THOC1: variants seen among roughly 807,000 people sequenced by gnomAD.
THOC1 encodes THO complex subunit 1, also known as THO complex 1.
Under a neutral mutation model 97.3 loss-of-function variants are expected in THOC1, and 29 were observed. The observed-to-expected ratio is 0.30, with a 90% CI of 0.22 to 0.41. THOC1 has a LOEUF of 0.41. THOC1 is among the 10% of genes least tolerant of loss of function. THOC1 has a pLI of 1.00. For missense variants in THOC1, 529 were observed against 761.9 expected, an observed-to-expected ratio of 0.69 and a Z score of 3.60; for synonymous variants, 255 against 257.0, an observed-to-expected ratio of 0.99 and a Z score of 0.07.
intron 11 of THOC1, among the ~76,000 whole-genome samples, chr18:237,584 T>C (rs1221464244): frequency 1.3e-5 from 2 of 151,906 alleles, no homozygotes; most frequent in Non-Finnish European, 2.9e-5. Context: ...GTTTTGAATA[T>C]ACCCATTTTC....
chr18:223,621 T>A, intron 16 of THOC1, 116 bp from the exon 17 acceptor site: 1 of 761,306 alleles, frequency 1.3e-6, no homozygotes, highest in Non-Finnish European at 2.1e-6. Flanking sequence ...GTTGACAGTA[T>A]GAGTTTTACT....
rs1461961174 is a variant in THOC1, at chr18:265,450, G to A, written c.128+7C>T. ...GCAAGTATTTTTCATAGATATCAAT[G>A]CCTTACCTGCCAGGTACCTGGCTGA... On this transcript the variant is annotated splice_region_variant and intron_variant, in intron 2 of 20. Coordinates refer to ENST00000261600, the MANE Select transcript of THOC1 (RefSeq NM_005131.3). The A allele has an allele frequency of 1.9e-6, 3 of 1,593,234 alleles. No homozygotes were observed. In the African/African-American group the frequency reaches 4.0e-5, roughly 21 times the overall value.
At chr18:228,549 A>G (rs970984587) in intron 11 of THOC1, among the ~76,000 whole-genome samples, 1 of 152,154 alleles carries the variant, frequency 6.6e-6, no homozygotes, top group Non-Finnish European at 1.5e-5. Context: ...AAAATCACCA[A>G]AAACAACCAA....
At chr18:222,696 T>C (rs982134698) in intron 17 of THOC1, among the ~76,000 whole-genome samples, 1 of 151,680 alleles carries the variant, frequency 6.6e-6, no homozygotes, top group African/African-American at 2.4e-5. Context: ...GTGAAAGACA[T>C]TTTCAAGCAC....
At chr18:221,606 CTTTTTT>C (rs369952039) in intron 17 of THOC1, among the ~76,000 whole-genome samples, 1 of 110,950 alleles carries the variant, frequency 9.0e-6, no homozygotes, top group Non-Finnish European at 1.8e-5. Flanking sequence ...ATAGATGGAT[CTTTTTT>C]TTTTTTTTTT....
chr18:215,266 A>G (rs1471945710), intron 20 of THOC1, among the ~76,000 whole-genome samples, 163 bp downstream of exon 20: 1 of 152,208 alleles, frequency 6.6e-6, no homozygotes, highest in Non-Finnish European at 1.5e-5. Context: ...TAGTGTTTTT[A>G]AAGTTATTAT....
At chr18:246,976 T>C (rs1380261152) in intron 10 of THOC1, among the ~76,000 whole-genome samples, 1 of 131,456 alleles carries the variant, frequency 7.6e-6, no homozygotes, top group Non-Finnish European at 1.6e-5. Context: ...AAGGGACAAA[T>C]AGATTAGGGA....
At chr18:221,656 T>G (rs931391651) in intron 17 of THOC1, among the ~76,000 whole-genome samples, 4 of 144,646 alleles carry the variant, frequency 2.8e-5, no homozygotes, top group African/African-American at 1.0e-4. Context: ...TCGCCCAGGC[T>G]GGAGTGCAGT....
intron 9 of THOC1, among the ~76,000 whole-genome samples, chr18:249,955 A>T (rs769836230): frequency 6.6e-5 from 10 of 152,180 alleles, no homozygotes; most frequent in Non-Finnish European, 1.5e-4. Context: ...AGAGAATGAG[A>T]CTCATGCAAC....
At chr18:264,147 G>A (rs1247646063) in intron 3 of THOC1, 55 bp from the exon 4 acceptor site, 24 of 1,193,228 alleles carry the variant, frequency 2.0e-5, no homozygotes, top group East Asian at 1.4e-4. Flanking sequence ...GACTAAACTC[G>A]ATTAACAGTA....
In THOC1 at chr18:216,640, A is replaced by G. The variant is rs768564989; in HGVS notation, c.1455-7T>C. 2 of 1,609,308 alleles carry G rather than the reference A, an allele frequency of 1.2e-6. No homozygotes were observed. Among genetic ancestry groups the G allele is most frequent in the Non-Finnish European group, 8.5e-7 (1 of 1,177,848 alleles). ...ATTTGAATTGTTCACAGCCCTATAA[A>G]AAGAGGTGTCAGGCTTGTAATTTAT... On this transcript the variant is annotated splice_polypyrimidine_tract_variant and splice_region_variant and intron_variant, in intron 18 of 20. Transcript: ENST00000261600.
At position 254,817 on chromosome 18, in the gene THOC1, A is replaced by ATT. The variant is rs778235053; in HGVS notation, c.521-464_521-463dup. On this transcript the variant is annotated intron_variant, in intron 7 of 20. Transcript: ENST00000261600. The surrounding 1 kb of genome is among the most constrained non-coding windows in gnomAD (Gnocchi z 4.1). ...CATCTAAGATCTAAGACAGTAAACT[A>ATT]TTTTTTTTTTTTTTTGAGACAGCGA... Among the ~76,000 whole-genome samples the ATT allele has an allele frequency of 9.3e-5, 13 of 140,262 alleles. No homozygotes were observed. Among genetic ancestry groups the ATT allele is most frequent in the Non-Finnish European group, 1.7e-4 (11 of 63,834 alleles). The allele number at this position is 140,262 out of a possible 152,430, so 92.0% of individuals were successfully genotyped here.
At chr18:252,752 A>G (rs1223609492) in intron 8 of THOC1, 140 bp from the exon 9 acceptor site, 1 of 678,578 alleles carries the variant, frequency 1.5e-6, no homozygotes, top group Admixed American at 3.0e-5. Context: ...CTAGACCTAT[A>G]GTTAATCTGT....
In THOC1 at chr18:234,049, G is replaced by A. The variant is rs576928613; in HGVS notation, c.919-7148C>T. Among the ~76,000 whole-genome samples the A allele has an allele frequency of 3.3e-4, 51 of 152,250 alleles. No individual in the cohort carries two copies. The South Asian group carries it at 1.0e-2, about 30-fold the overall frequency. On this transcript the variant is annotated intron_variant, in intron 11 of 20. Transcript: ENST00000261600. Reference sequence around the variant, plus strand: ...TGTAATGTTTCTCTATGAAGATTACGCCTAGGTATTGGAGAGCTTTCACTG... The same window carrying A: ...TGTAATGTTTCTCTATGAAGATTACACCTAGGTATTGGAGAGCTTTCACTG...
In THOC1 at chr18:242,724, G is replaced by A. The variant is rs556219367; in HGVS notation, c.918+3600C>T. Among the ~76,000 whole-genome samples the A allele has an allele frequency of 6.6e-6, 1 of 152,268 alleles. No homozygotes were observed. Among genetic ancestry groups the A allele is most frequent in the Admixed American group, 6.5e-5 (1 of 15,292 alleles). On this transcript the variant is annotated intron_variant, in intron 11 of 20. Transcript: ENST00000261600. The surrounding 1 kb of genome is among the most constrained non-coding windows in gnomAD (Gnocchi z 4.5). ...CTAGCTCTTACTGGCAAGGAATATGGCACCCATATCCCTGAAAAATCCAGA... is the reference window on the plus strand; with the variant it reads ...CTAGCTCTTACTGGCAAGGAATATGACACCCATATCCCTGAAAAATCCAGA...
At chr18:249,794 C>T (rs1432291070) in intron 9 of THOC1, among the ~76,000 whole-genome samples, 1 of 152,138 alleles carries the variant, frequency 6.6e-6, no homozygotes, top group Non-Finnish European at 1.5e-5. Flanking sequence ...TAGTTCCATA[C>T]ATTTGATAAA....
intron 10 of THOC1, 62 bp downstream of exon 10, chr18:247,787 T>C (rs1912143548): frequency 1.0e-6 from 1 of 977,162 alleles, no homozygotes; most frequent in South Asian, 1.4e-5. Context: ...CAAGATTAAG[T>C]TTTAGCTCTA....
chr18:219,009 T>C, intron 17 of THOC1, 40 bp from the exon 18 acceptor site: 1 of 869,664 alleles, frequency 1.1e-6, no homozygotes, highest in Admixed American at 4.3e-5. Context: ...TGGCATATAT[T>C]CTTAATAATA....
intron 10 of THOC1, among the ~76,000 whole-genome samples, 191 bp downstream of exon 10, chr18:247,658 C>T (rs149872712): frequency 2.3e-4 from 35 of 152,202 alleles, no homozygotes; most frequent in African/African-American, 7.7e-4. Flanking sequence ...TTTAAATATC[C>T]GATTCTTATA....
Sources: allele counts gnomAD v4.1 joint callset (sites outside exome capture counted in the v4.1 genomes callset), GRCh38; gene constraint gnomAD v4.1.1; non-coding constraint Gnocchi (gnomAD v3.1); transcripts MANE v1.5; gene names NCBI Gene and HGNC (gene_info 2026-07-23, HGNC 2026-07-21).